AFAP1: variants seen among roughly 807,000 people sequenced by gnomAD.
AFAP1 encodes the protein actin filament-associated protein 1.
AFAP1 carries 75 observed loss-of-function variants against 93.9 expected under a neutral mutation model. The ratio of observed to expected loss-of-function variants is 0.80; its 90% CI spans 0.66 to 0.97. AFAP1 has a LOEUF of 0.97. Ranked by LOEUF, AFAP1 falls within the 50% of genes least tolerant of loss-of-function variation. The pLI, the probability that AFAP1 is intolerant of heterozygous loss-of-function variation, is 0.00. For missense variants in AFAP1, 1,201 were observed against 1,050.8 expected (o/e 1.14, Z -1.98); for synonymous variants, 517 against 430.7 (o/e 1.20, Z -2.48).
At position 7,846,864 on chromosome 4, in the gene AFAP1, C is replaced by T. The variant is rs139124089; in HGVS notation, c.335-3514G>A. On this transcript the variant is annotated intron_variant, in intron 4 of 17. Coordinates refer to ENST00000420658, the MANE Select transcript of AFAP1 (RefSeq NM_001134647.2). ...AAGGAAGAATGAGTCTCGAAGACTA[C>T]GAGATTCATCCAGGAGCATAGGCTT... 7.2e-4 allele frequency among the ~76,000 whole-genome samples: 110 copies of T among 152,260 alleles called. 1 individual carries two copies. The East Asian group carries it at 0.02, about 28-fold the overall frequency.
chr4:7,875,029 G>T (rs1717403937), intron 1 of AFAP1, among the ~76,000 whole-genome samples: 1 of 152,104 alleles, frequency 6.6e-6, no homozygotes, highest in Admixed American at 6.5e-5. Flanking sequence ...TCTGAGATCT[G>T]CTGATGTAGG....
chr4:7,904,199 G>A (rs1489335134), intron 1 of AFAP1, among the ~76,000 whole-genome samples: 1 of 152,054 alleles, frequency 6.6e-6, no homozygotes, highest in Admixed American at 6.6e-5. Flanking sequence ...AATGACAATT[G>A]GCCAAACCAA....
rs79848505 is a variant in AFAP1 at position 7,936,183 on chromosome 4, C to G, written c.-3+3473G>C. Among the ~76,000 whole-genome samples, 903 of 152,230 alleles carry G rather than the reference C, an allele frequency of 5.9e-3. 4 individuals are homozygous for G. Among genetic ancestry groups the G allele is most frequent in the Middle Eastern group, 0.024 (7 of 294 alleles). On this transcript the variant is annotated intron_variant, in intron 1 of 17. Transcript: ENST00000420658. ...GCTATTTTTAATCCCTATAATCATCCAAATAACTAGGAATAGCAGAGAAAA... is the reference window on the plus strand; with the variant it reads ...GCTATTTTTAATCCCTATAATCATCGAAATAACTAGGAATAGCAGAGAAAA...
chr4:7,884,539 A>T (rs1157767634), intron 1 of AFAP1, among the ~76,000 whole-genome samples: 1 of 152,246 alleles, frequency 6.6e-6, no homozygotes, highest in Non-Finnish European at 1.5e-5. Context: ...TCCATAGAAC[A>T]GAATAAAAAG....
chr4:7,822,995 G>A (rs959986370), intron 6 of AFAP1, among the ~76,000 whole-genome samples: 1 of 151,568 alleles, frequency 6.6e-6, no homozygotes, highest in East Asian at 1.9e-4. Context: ...CTGTGTGAAT[G>A]GTGTCTTCTG....
Position 7,773,029 on chromosome 4 carries a change from C to CGG in AFAP1, c.2063-20_2063-19insCC, listed in dbSNP as rs764649308. 1.2e-6 allele frequency: 2 copies of CGG among 1,601,554 alleles called. No individual in the cohort carries two copies. The highest frequency in any genetic ancestry group is 2.2e-5 in the South Asian group (2 of 90,552). ...TTCCTGCCTGGAATTCCCAGAAACG[C>CGG]CGTTACTCCCGCGGCAGGCACAGGT... On this transcript the variant is annotated intron_variant, in intron 15 of 17. Coordinates refer to ENST00000420658, the MANE Select transcript of AFAP1 (RefSeq NM_001134647.2).
chr4:7,864,167 A>ATTCCCAACTTCC (rs1577313455), intron 3 of AFAP1, among the ~76,000 whole-genome samples: 18 of 125,828 alleles, frequency 1.4e-4, no homozygotes, highest in South Asian at 5.4e-4. Flanking sequence ...ATCACAACCC[A>ATTCCCAACTTCC]CAGGTCCTTT....
intron 5 of AFAP1, 101 bp downstream of exon 5, chr4:7,843,038 C>G: frequency 7.5e-7 from 1 of 1,339,028 alleles, no homozygotes; most frequent in Non-Finnish European, 1.0e-6. Context: ...CTGAGTGCTG[C>G]CCTTCCTGCA....
intron 6 of AFAP1, among the ~76,000 whole-genome samples, chr4:7,837,794 G>C (rs533252305): frequency 2.0e-5 from 3 of 152,158 alleles, no homozygotes; most frequent in Non-Finnish European, 4.4e-5. Context: ...CAAGGTGGGC[G>C]GATCACTTGA....
intron 4 of AFAP1, among the ~76,000 whole-genome samples, chr4:7,848,129 G>GGAAGGA (rs1560197086): frequency 6.5e-4 from 41 of 63,554 alleles, no homozygotes; most frequent in African/African-American, 3.4e-3. Flanking sequence ...GGAAGGAAGG[G>GGAAGGA]AGTGAGTGAG....
intron 9 of AFAP1, among the ~76,000 whole-genome samples, chr4:7,802,657 T>C (rs1448904299): frequency 8.5e-6 from 1 of 117,096 alleles, no homozygotes; most frequent in African/African-American, 3.4e-5. Flanking sequence ...TTTTTTTTTT[T>C]TGAGACAGGA....
Position 7,760,898 on chromosome 4 carries a change from C to T in AFAP1, c.*2867G>A, listed in dbSNP as rs577193635. On this transcript the variant is annotated 3_prime_UTR_variant, in exon 18 of 18. Coordinates refer to ENST00000420658, the MANE Select transcript of AFAP1 (RefSeq NM_001134647.2). Reference sequence around the variant, plus strand: ...CGGCACCGTAGTACAGGTGGCTAGCCCCTGTGAACACGACCATCTGCTAAG... The same window carrying T: ...CGGCACCGTAGTACAGGTGGCTAGCTCCTGTGAACACGACCATCTGCTAAG... 6.6e-6 allele frequency: 1 copy of T among 152,406 alleles called. No individual in the cohort carries two copies. Among genetic ancestry groups the T allele is most frequent in the Admixed American group, 6.5e-5 (1 of 15,304 alleles). The allele number at this position is 152,406 out of a possible 1,614,324, so 9.4% of individuals were successfully genotyped here.
intron 4 of AFAP1, among the ~76,000 whole-genome samples, chr4:7,852,142 G>A (rs1381965892): frequency 6.6e-6 from 1 of 152,164 alleles, no homozygotes. Flanking sequence ...AGACTTCAGA[G>A]TATCTTCTGG....
chr4:7,874,806 A>G (rs1008518734), intron 1 of AFAP1, among the ~76,000 whole-genome samples: 4 of 151,286 alleles, frequency 2.6e-5, no homozygotes, highest in Non-Finnish European at 4.4e-5. Flanking sequence ...AAACAATGCT[A>G]CTCTTCTAAT....
At chr4:7,882,494 A>C (rs1393428857) in intron 1 of AFAP1, among the ~76,000 whole-genome samples, 1 of 152,172 alleles carries the variant, frequency 6.6e-6, no homozygotes, top group Non-Finnish European at 1.5e-5. Flanking sequence ...ACATCAGTGC[A>C]AATATCCTAA....
chr4:7,788,382 C>G (rs1286138550), intron 11 of AFAP1, among the ~76,000 whole-genome samples: 2 of 152,244 alleles, frequency 1.3e-5, no homozygotes, highest in East Asian at 3.9e-4. Context: ...GGGCTCCGGG[C>G]TGGGCTTCAG....
chr4:7,908,143 A>G (rs906788618), intron 1 of AFAP1, among the ~76,000 whole-genome samples: 4 of 151,830 alleles, frequency 2.6e-5, no homozygotes, highest in Non-Finnish European at 5.9e-5. Context: ...ACCTGGGGGG[A>G]GCACGTTGCA....
intron 1 of AFAP1, among the ~76,000 whole-genome samples, chr4:7,882,490 G>C (rs986432448): frequency 6.6e-6 from 1 of 151,710 alleles, no homozygotes; most frequent in African/African-American, 2.4e-5. Flanking sequence ...CCTTACATCA[G>C]TGCAAATATC....
chr4:7,798,166 T>C lies in AFAP1; in HGVS notation c.1266+2276A>G, dbSNP rs933248694. Among the ~76,000 whole-genome samples the C allele has an allele frequency of 2.7e-5, 3 of 110,280 alleles. No homozygotes were observed. The Admixed American group carries it at 2.9e-4, about 11-fold the overall frequency. 72.3% of individuals were successfully genotyped at this position (110,280 alleles called of 152,430 possible). A position where few individuals can be genotyped will look rare whatever the true frequency, so the allele number is the denominator to read the frequency against. On this transcript the variant is annotated intron_variant, in intron 10 of 17. Transcript: ENST00000420658. ...TGGCTGGCTCACGGCACTGCAACTC[T>C]ACTGGCTGGCTCACGGCACTGCAAC...
Sources: allele counts gnomAD v4.1 joint callset (sites outside exome capture counted in the v4.1 genomes callset), GRCh38; gene constraint gnomAD v4.1.1; transcripts MANE v1.5; gene names NCBI Gene and HGNC (gene_info 2026-07-23, HGNC 2026-07-21).